EHBP1: variants seen among roughly 807,000 people sequenced by gnomAD.
The protein encoded by EHBP1 is EH domain-binding protein 1.
EHBP1 carries 55 observed loss-of-function variants against 144.0 expected under a neutral mutation model. The observed-to-expected ratio is 0.38, with a 90% CI of 0.31 to 0.48. The LOEUF is 0.48. Among genes scored for constraint, EHBP1 ranks in the 20% least tolerant of loss-of-function variants. The pLI is 0.98. For missense variants in EHBP1, 1,200 were observed against 1,364.2 expected (o/e 0.88, Z 1.90); for synonymous variants, 469 against 472.7 (o/e 0.99, Z 0.10).
chr2:62,933,964 A>G (rs1438605411), intron 10 of EHBP1, among the ~76,000 whole-genome samples: 2 of 152,166 alleles, frequency 1.3e-5, no homozygotes, highest in Non-Finnish European at 2.9e-5. Flanking sequence ...CAATTTTTAA[A>G]TCCATTTTAT....
chr2:62,998,856 G>A (rs927326961), intron 19 of EHBP1, among the ~76,000 whole-genome samples: 1 of 152,120 alleles, frequency 6.6e-6, no homozygotes, highest in Non-Finnish European at 1.5e-5. Context: ...TAAGCTCCAA[G>A]AATCATCCTA....
intron 2 of EHBP1, among the ~76,000 whole-genome samples, chr2:62,736,224 CTTT>C (rs70962793): frequency 9.8e-6 from 1 of 102,244 alleles, no homozygotes; most frequent in Non-Finnish European, 2.1e-5. Flanking sequence ...TTCTCTTTGC[CTTT>C]TTTTTTTTTT....
intron 1 of EHBP1, among the ~76,000 whole-genome samples, chr2:62,680,574 A>G (rs1392394649): frequency 1.3e-5 from 2 of 152,208 alleles, no homozygotes. Flanking sequence ...TGCTCATTTC[A>G]AAATCAGTTT....
At chr2:62,989,057 T>C (rs950838191) in intron 15 of EHBP1, among the ~76,000 whole-genome samples, 3 of 152,122 alleles carry the variant, frequency 2.0e-5, no homozygotes, top group Admixed American at 6.6e-5. Context: ...ATACTATTGC[T>C]AAATAGAAGT....
intron 7 of EHBP1, among the ~76,000 whole-genome samples, chr2:62,845,008 G>C (rs183527283): frequency 1.6e-4 from 24 of 151,954 alleles, no homozygotes; most frequent in African/African-American, 5.1e-4. Flanking sequence ...TGACAACTTG[G>C]GTACAAAGTG....
intron 9 of EHBP1, among the ~76,000 whole-genome samples, chr2:62,873,661 A>G (rs2050659742): frequency 1.3e-5 from 2 of 152,290 alleles, no homozygotes; most frequent in South Asian, 4.1e-4. Flanking sequence ...TAGACATGTC[A>G]TGGGTGTCAA....
rs578003482 is a variant in EHBP1, at chr2:62,985,424, G to A, written c.2609-5292G>A. 4.6e-5 allele frequency among the ~76,000 whole-genome samples: 7 copies of A among 152,288 alleles called. No individual in the cohort carries two copies. In the East Asian group the frequency reaches 1.4e-3, roughly 29 times the overall value. ...AATAAGTTATACCTACTTCACAACTGATGACAATAAGGTACTTCCGTTGAA... is the reference window on the plus strand; with the variant it reads ...AATAAGTTATACCTACTTCACAACTAATGACAATAAGGTACTTCCGTTGAA... On this transcript the variant is annotated intron_variant, in intron 15 of 22. Transcript: ENST00000431489.
At chr2:62,735,623 T>G (rs890134786) in intron 2 of EHBP1, among the ~76,000 whole-genome samples, 8 of 152,240 alleles carry the variant, frequency 5.3e-5, no homozygotes, top group Admixed American at 6.5e-5. Flanking sequence ...CCTTTGGTAC[T>G]CTTCCTTATG....
chr2:62,849,013 A>C (rs2048492279), intron 7 of EHBP1, among the ~76,000 whole-genome samples: 1 of 152,198 alleles, frequency 6.6e-6, no homozygotes, highest in Admixed American at 6.5e-5. Context: ...TGTGTGGTAT[A>C]GCTGGTCTCC....
rs2061752777 is a variant in EHBP1 at position 63,043,265 on chromosome 2, G to C, written c.3278-1801G>C. On this transcript the variant is annotated intron_variant, in intron 21 of 22. Coordinates refer to ENST00000431489, the MANE Select transcript of EHBP1 (RefSeq NM_001142616.3). ...ATTTAAATCCAAAGAATAAAATTGT[G>C]ATATATATGGCTGCTCTTCAATTTT... Among the ~76,000 whole-genome samples, 3 of 152,144 alleles carry C rather than the reference G, an allele frequency of 2.0e-5. No individual in the cohort carries two copies. The South Asian group carries it at 6.2e-4, about 32-fold the overall frequency.
At chr2:62,695,132 C>G (rs1558512887) in intron 1 of EHBP1, among the ~76,000 whole-genome samples, 1 of 152,054 alleles carries the variant, frequency 6.6e-6, no homozygotes, top group Non-Finnish European at 1.5e-5. Context: ...GAGGCCAAGG[C>G]AGGGAGGGCG....
intron 5 of EHBP1, among the ~76,000 whole-genome samples, chr2:62,789,752 A>G (rs546659917): frequency 6.6e-6 from 1 of 152,298 alleles, no homozygotes; most frequent in African/African-American, 2.4e-5. Context: ...TTCAGCACAC[A>G]CAAAACTGAT....
At chr2:62,869,962 A>G (rs958349084) in intron 9 of EHBP1, among the ~76,000 whole-genome samples, 2 of 152,158 alleles carry the variant, frequency 1.3e-5, no homozygotes, top group African/African-American at 2.4e-5. Flanking sequence ...ATAATAAGTA[A>G]TATAATTATA....
chr2:62,854,378 A>G (rs1278066702), intron 7 of EHBP1, among the ~76,000 whole-genome samples: 1 of 152,246 alleles, frequency 6.6e-6, no homozygotes, highest in Non-Finnish European at 1.5e-5. Flanking sequence ...CTAACTGTTT[A>G]GCACAAGAGG....
chr2:62,778,849 C>T (rs1021117378), intron 5 of EHBP1, among the ~76,000 whole-genome samples: 2 of 147,200 alleles, frequency 1.4e-5, no homozygotes, highest in Non-Finnish European at 3.0e-5. Flanking sequence ...TATATAAATG[C>T]TGCTTCTCTC....
chr2:62,725,054 G>A (rs530429423), intron 2 of EHBP1, among the ~76,000 whole-genome samples: 10 of 152,232 alleles, frequency 6.6e-5, no homozygotes, highest in African/African-American at 2.2e-4. Context: ...AGATTTTAGG[G>A]GGCCAGTGCT....
chr2:62,744,318 T>G (rs1245356439), intron 2 of EHBP1, among the ~76,000 whole-genome samples: 5 of 152,128 alleles, frequency 3.3e-5, no homozygotes, highest in African/African-American at 1.2e-4. Flanking sequence ...AGTTGTATAA[T>G]TGTAGGTTTA....
intron 8 of EHBP1, among the ~76,000 whole-genome samples, chr2:62,863,080 C>T (rs1394596155): frequency 6.7e-6 from 1 of 149,692 alleles, no homozygotes; most frequent in Non-Finnish European, 1.5e-5. Flanking sequence ...GTCAGGAGTC[C>T]GAGACCAGCC....
intron 1 of EHBP1, among the ~76,000 whole-genome samples, chr2:62,688,204 A>T (rs183256570): frequency 3.3e-5 from 5 of 152,314 alleles, no homozygotes; most frequent in Admixed American, 3.3e-4. Context: ...AGCATGAGAG[A>T]GTAATGCCAT....
Sources: allele counts gnomAD v4.1 joint callset (sites outside exome capture counted in the v4.1 genomes callset), GRCh38; gene constraint gnomAD v4.1.1; transcripts MANE v1.5; gene names NCBI Gene and HGNC (gene_info 2026-07-23, HGNC 2026-07-21).